NIBAN3: variants seen among roughly 807,000 people sequenced by gnomAD.
The protein encoded by NIBAN3 is niban apoptosis regulator 3, also known as protein Niban 3.
In NIBAN3, 66 loss-of-function variants were observed where a neutral mutation model predicts 76.4. The observed-to-expected ratio is 0.86, with a 90% CI of 0.71 to 1.06. The LOEUF is 1.06. Among genes scored for constraint, NIBAN3 ranks in the 50% least tolerant of loss-of-function variants. NIBAN3 has a pLI of 0.00. For synonymous variants in NIBAN3, 360 were observed against 355.2 expected (o/e 1.01, Z -0.15); for missense variants, 808 against 810.7 (o/e 1.00, Z 0.04).
chr19:17,547,867 A>G (rs1183042450), intron 13 of NIBAN3, among the ~76,000 whole-genome samples: 1 of 151,496 alleles, frequency 6.6e-6, no homozygotes, highest in Non-Finnish European at 1.5e-5. Flanking sequence ...GGGTTTCACT[A>G]TGTTGGCCAG....
In NIBAN3 at chr19:17,542,782, C is replaced by CT. The variant is rs2075979870; in HGVS notation, c.1329+489dup. Among the ~76,000 whole-genome samples, 1 of 151,948 alleles carries CT rather than the reference C, an allele frequency of 6.6e-6. No homozygotes were observed. Among genetic ancestry groups the CT allele is most frequent in the African/African-American group, 2.4e-5 (1 of 41,376 alleles). On this transcript the variant is annotated intron_variant, in intron 10 of 14. Coordinates refer to ENST00000599164, the MANE Select transcript of NIBAN3 (RefSeq NM_001321827.2). This position sits in a 1 kb window ranked among gnomAD's most constrained non-coding sequence, Gnocchi z 4.8. ...GTATGTGAGCAGGGGGAGGGCATGG[C>CT]TGGATTTAAGGTTTAGGAAGCTTTG...
chr19:17,543,369 C>G lies in NIBAN3; in HGVS notation c.1382C>G (p.Thr461Arg). Residue 461 changes from threonine (T) to arginine (R), a missense_variant, in exon 11 of 15, where the codon ACG becomes AGG. Coordinates refer to ENST00000599164, the MANE Select transcript of NIBAN3 (RefSeq NM_001321827.2). ...CTGCAGCTGGCTGACCAGTGTCTGA[C>G]GACGGCCCTCAACTGTGACCAGGCT... is the stretch of plus-strand genomic sequence containing the variant. ...TFLQLADQCL[T>R]TALNCDQAAQ... is the part of the protein sequence containing the mutation. 2 of 1,597,728 alleles carry G rather than the reference C, an allele frequency of 1.3e-6. No individual in the cohort carries two copies. The highest frequency in any genetic ancestry group is 2.7e-5 in the African/African-American group (2 of 74,764).
Position 17,542,391 on chromosome 19 carries a change from A to G in NIBAN3, c.1329+97A>G. ...CCCTGGAGAGACCACGATGATCGAG[A>G]CAACTCCGCGGGGCTGCCAGTCTCA... On this transcript the variant is annotated intron_variant, in intron 10 of 14. Coordinates refer to ENST00000599164, the MANE Select transcript of NIBAN3 (RefSeq NM_001321827.2). This position sits in a 1 kb window ranked among gnomAD's most constrained non-coding sequence, Gnocchi z 4.8. 7.5e-7 allele frequency: 1 copy of G among 1,332,518 alleles called. No individual in the cohort carries two copies. The highest frequency in any genetic ancestry group is 1.4e-5 in the South Asian group (1 of 70,906). The allele number at this position is 1,332,518 out of a possible 1,614,324, so 82.5% of individuals were successfully genotyped here.
At chr19:17,545,075 A>T (rs551673668) in intron 12 of NIBAN3, 1 of 152,076 alleles carries the variant, frequency 6.6e-6, no homozygotes, top group East Asian at 1.9e-4. Context: ...AGGTGGGAGG[A>T]TCGCTTGAGC....
chr19:17,544,808 TCTCA>T (rs1446471116), intron 12 of NIBAN3, among the ~76,000 whole-genome samples: 1 of 152,070 alleles, frequency 6.6e-6, no homozygotes, highest in Admixed American at 6.6e-5. Flanking sequence ...ATTGGGGAAG[TCTCA>T]GCTGAGACAC....
chr19:17,531,344 C>CAA (rs2075720100), intron 2 of NIBAN3, among the ~76,000 whole-genome samples: 1 of 111,498 alleles, frequency 9.0e-6, no homozygotes, highest in Admixed American at 7.9e-5. Context: ...CACACACACA[C>CAA]ACACACACAC....
At position 17,553,332 on chromosome 19, in the gene NIBAN3, G is replaced by A. The variant is rs575613569; in HGVS notation, c.*1434G>A. On this transcript the variant is annotated 3_prime_UTR_variant, in exon 15 of 15. Coordinates refer to ENST00000599164, the MANE Select transcript of NIBAN3 (RefSeq NM_001321827.2). ...TCCTAGCTCCAAATCTTAACTTGGT[G>A]TCAAGTTTCCTGGCTGGGAGACAAG... 3.7e-6 allele frequency: 6 copies of A among 1,613,722 alleles called. No individual in the cohort carries two copies. The highest frequency in any genetic ancestry group is 4.5e-5 in the East Asian group (2 of 44,882).
chr19:17,536,412 C>A (rs1445250530), intron 4 of NIBAN3, among the ~76,000 whole-genome samples: 1 of 152,008 alleles, frequency 6.6e-6, no homozygotes, highest in Non-Finnish European at 1.5e-5. Flanking sequence ...TGGTCTCGAA[C>A]TCCTGACCTC....
rs2076186249 is a variant in NIBAN3 at position 17,553,448 on chromosome 19, G to A, written c.*1550G>A. On this transcript the variant is annotated 3_prime_UTR_variant, in exon 15 of 15. Coordinates refer to ENST00000599164, the MANE Select transcript of NIBAN3 (RefSeq NM_001321827.2). Reference sequence around the variant, plus strand: ...CTGTCTTGCAGCTGCTTCCGGAGTGGGTTCCACAGGGATTCCCGTGTGTTC... The same window carrying A: ...CTGTCTTGCAGCTGCTTCCGGAGTGAGTTCCACAGGGATTCCCGTGTGTTC... 1 of 1,614,166 alleles carries A rather than the reference G, an allele frequency of 6.2e-7. No individual in the cohort carries two copies. The highest frequency in any genetic ancestry group is 1.3e-5 in the African/African-American group (1 of 75,042).
chr19:17,535,870 T>G (rs2075816800), intron 4 of NIBAN3, among the ~76,000 whole-genome samples: 1 of 151,710 alleles, frequency 6.6e-6, no homozygotes, highest in South Asian at 2.1e-4. Flanking sequence ...CACCACTGTA[T>G]TCCAGCCTGG....
At chr19:17,540,057 G>C (rs1477470225) in intron 8 of NIBAN3, 1 of 450,612 alleles carries the variant, frequency 2.2e-6, no homozygotes, top group East Asian at 3.6e-5. Flanking sequence ...GGGCCTCAGC[G>C]GGGGATAGGC....
At chr19:17,547,417 C>T (rs1366481105) in intron 13 of NIBAN3, among the ~76,000 whole-genome samples, 67 of 105,762 alleles carry the variant, frequency 6.3e-4, no homozygotes, top group African/African-American at 2.0e-3. Flanking sequence ...TGCAGTGGAA[C>T]GATCTTGGCT....
At position 17,533,570 on chromosome 19, in the gene NIBAN3, C is replaced by A; in HGVS notation, c.313-17C>A. 1 of 1,596,368 alleles carries A rather than the reference C, an allele frequency of 6.3e-7. No individual in the cohort carries two copies. Among genetic ancestry groups the A allele is most frequent in the Non-Finnish European group, 8.6e-7 (1 of 1,164,000 alleles). ...TTCAGACCTGTCCCAGGTTGGTTCT[C>A]TGGGTACCTTTTGTAGGAATATGAA... On this transcript the variant is annotated splice_polypyrimidine_tract_variant and intron_variant, in intron 3 of 14. Transcript: ENST00000599164.
Position 17,540,535 on chromosome 19 carries a change from T to C in NIBAN3, c.1123T>C (p.Ser375Pro). 6.4e-7 allele frequency: 1 copy of C among 1,571,128 alleles called. No homozygotes were observed. Among genetic ancestry groups the C allele is most frequent in the East Asian group, 2.4e-5 (1 of 41,716 alleles). The change falls in exon 9 of 15, where the codon TCC becomes CCC. Residue 375 changes from serine (S) to proline (P), a missense_variant. By Grantham distance (74) the Ser-to-Pro change is moderately conservative (BLOSUM62 -1). Transcript: ENST00000599164. ...CCTGGCTCAAGGCATGGACCGACTGTCCCACCGCCTGCGCCAGAGCCCCTC... is the reference window on the plus strand; with the variant it reads ...CCTGGCTCAAGGCATGGACCGACTGCCCCACCGCCTGCGCCAGAGCCCCTC... ...TLLAQGMDRL[S>P]HRLRQSPSGT...
chr19:17,543,566 C>T lies in NIBAN3; in HGVS notation c.1489C>T (p.Arg497Ter), dbSNP rs201247329. 28 of 1,614,106 alleles carry T rather than the reference C, an allele frequency of 1.7e-5. No homozygotes were observed. In the East Asian group the frequency reaches 2.9e-4, roughly 17 times the overall value. ...CGGGTTGGCGCAGAGGAGGTTCATC[C>T]GAGGCTGGGGTCTCTGCATCTTTTT... is the stretch of plus-strand genomic sequence containing the variant. ...DSGLAQRRFIRGWGLCIFLPF... is the reference protein window; with the variant it reads ...DSGLAQRRFI Residue 497 changes from arginine to a stop codon, truncating the protein, a stop_gained, in exon 12 of 15, where the codon CGA becomes TGA. Transcript: ENST00000599164. LOFTEE classifies it high-confidence loss of function.
rs375422466 is a variant in NIBAN3 at position 17,530,862 on chromosome 19, G to A, written c.163G>A (p.Gly55Arg). 4.2e-5 allele frequency: 68 copies of A among 1,613,310 alleles called. 1 individual carries two copies. Among genetic ancestry groups the A allele is most frequent in the South Asian group, 2.1e-4 (19 of 91,052 alleles). ...SRELGPQEPT[G>R]SQLLRSKKLP... ...AGAGCTGGGCCCTCAGGAGCCGACC[G>A]GAAGCCAGTTGCTACGCAGCAAAGT... Residue 55 changes from glycine (G) to arginine (R), a missense_variant, in exon 2 of 15, where the codon GGA becomes AGA. Physicochemically the swap from Gly to Arg is moderately radical, Grantham distance 125 (BLOSUM62 -2). Coordinates refer to ENST00000599164, the MANE Select transcript of NIBAN3 (RefSeq NM_001321827.2).
chr19:17,526,072 A>C (rs1942188237), upstream of NIBAN3, among the ~76,000 whole-genome samples: 1 of 151,678 alleles, frequency 6.6e-6, no homozygotes, highest in Non-Finnish European at 1.5e-5. Flanking sequence ...AGAACACTTT[A>C]GGAGGTCAAG....
intron 2 of NIBAN3, 25 bp from the exon 3 acceptor site, chr19:17,532,238 C>T (rs1249598323): frequency 1.3e-6 from 2 of 1,591,312 alleles, no homozygotes; most frequent in South Asian, 2.3e-5. Flanking sequence ...AGCCCCCTGA[C>T]ACCCACTGCT....
chr19:17,537,462 C>G lies in NIBAN3; in HGVS notation c.514C>G (p.Leu172Val). The change falls in exon 5 of 15, where the codon CTC becomes GTC. Residue 172 changes from leucine to valine, a missense_variant. Leu to Val is a conservative substitution (Grantham distance 32). Transcript: ENST00000599164. ...CCTGCAGCACCCCTTCCGCCGGCAC[C>G]TCTGCTTCTCTGCAGCCACCAGGGA... is the stretch of plus-strand genomic sequence containing the variant. ...LFLQHPFRRH[L>V]CFSAATREAQ... The G allele has an allele frequency of 6.2e-7, 1 of 1,613,698 alleles. No homozygotes were observed. The highest frequency in any genetic ancestry group is 2.2e-5 in the East Asian group (1 of 44,876).
Sources: gnomAD v4.1 joint callset for allele counts (sites outside exome capture counted in the v4.1 genomes callset) on GRCh38, gnomAD v4.1.1 for gene constraint, Gnocchi (gnomAD v3.1) non-coding constraint, MANE v1.5 for transcripts, NCBI Gene and HGNC (gene_info 2026-07-23, HGNC 2026-07-21) for gene names.